Variants in AGPS observed in about 807,000 individuals in gnomAD.
AGPS encodes the protein alkyldihydroxyacetonephosphate synthase, peroxisomal.
AGPS carries 26 observed loss-of-function variants against 90.7 expected under a neutral mutation model. The observed-to-expected ratio is 0.29, with a 90% confidence interval of 0.21 to 0.40. The LOEUF is 0.40. AGPS is among the 10% of genes least tolerant of loss of function. The pLI, the probability that AGPS is intolerant of heterozygous loss-of-function variation, is 1.00. For synonymous variants in AGPS, 294 were observed against 285.3 expected, an observed-to-expected ratio of 1.03 and a Z score of -0.31; for missense variants, 540 against 816.1, an observed-to-expected ratio of 0.66 and a Z score of 4.12.
chr2:177,465,963 G>A (rs1687433814), intron 9 of AGPS, among the ~76,000 whole-genome samples: 1 of 152,220 alleles, frequency 6.6e-6, no homozygotes, highest in South Asian at 2.1e-4. Context: ...GGAAGAATGA[G>A]GTATGCGGAC....
chr2:177,411,729 A>C (rs1442580707), intron 1 of AGPS, among the ~76,000 whole-genome samples: 1 of 152,168 alleles, frequency 6.6e-6, no homozygotes, highest in Non-Finnish European at 1.5e-5. Flanking sequence ...ACCTAGGTCT[A>C]TTTTAATTTG....
intron 19 of AGPS, among the ~76,000 whole-genome samples, chr2:177,535,986 C>A (rs1396175879): frequency 6.6e-6 from 1 of 151,478 alleles, no homozygotes; most frequent in East Asian, 1.9e-4. Flanking sequence ...GAAAATTTGA[C>A]AAGATAGATG....
intron 10 of AGPS, among the ~76,000 whole-genome samples, chr2:177,469,571 A>G (rs951384533): frequency 6.6e-6 from 1 of 152,148 alleles, no homozygotes; most frequent in African/African-American, 2.4e-5. Context: ...ATACTCTTCT[A>G]TGAAAAAACA....
intron 1 of AGPS, among the ~76,000 whole-genome samples, chr2:177,412,385 GGCCCTT>G (rs1203345384): frequency 1.2e-4 from 19 of 152,074 alleles, no homozygotes; most frequent in African/African-American, 4.3e-4. Flanking sequence ...GCCTCTAGTT[GGCCCTT>G]GGCTTCCCCA....
In AGPS at chr2:177,491,772, C is replaced by CA. The variant is rs1491023611; in HGVS notation, c.1234-1376_1234-1375insA. On this transcript the variant is annotated intron_variant, in intron 11 of 19. Coordinates refer to ENST00000264167, the MANE Select transcript of AGPS (RefSeq NM_003659.4). Reference sequence around the variant, plus strand: ...AATATACTTTCCTTCCCCCCCCCCCCCTTTTTTTTCATTTTGTTTTGTTTT... The same window carrying CA: ...AATATACTTTCCTTCCCCCCCCCCCCACTTTTTTTTCATTTTGTTTTGTTTT... Among the ~76,000 whole-genome samples the CA allele has an allele frequency of 3.6e-5, 4 of 111,234 alleles. No individual in the cohort carries two copies. The East Asian group carries it at 1.0e-3, about 28-fold the overall frequency. The allele number at this position is 111,234 out of a possible 152,430, so 73.0% of individuals were successfully genotyped here.
At chr2:177,435,204 A>T (rs1283817071) in intron 3 of AGPS, among the ~76,000 whole-genome samples, 1 of 151,898 alleles carries the variant, frequency 6.6e-6, no homozygotes, top group Non-Finnish European at 1.5e-5. Flanking sequence ...TGTCTTATAC[A>T]ATATTCTCCA....
chr2:177,476,336 A>G (rs992485509), intron 10 of AGPS, among the ~76,000 whole-genome samples: 1 of 151,894 alleles, frequency 6.6e-6, no homozygotes, highest in Non-Finnish European at 1.5e-5. Context: ...GTATTGCTTT[A>G]CTTTATCTGA....
At chr2:177,393,503 GC>G (rs2105577131) in intron 1 of AGPS, 1 of 985,382 alleles carries the variant, frequency 1.0e-6, no homozygotes, top group East Asian at 1.1e-4. Flanking sequence ...AACTGGTGGT[GC>G]CCTGGAAAAA....
At chr2:177,462,285 C>T (rs977203681) in intron 9 of AGPS, among the ~76,000 whole-genome samples, 13 of 147,430 alleles carry the variant, frequency 8.8e-5, no homozygotes, top group Admixed American at 2.8e-4. Flanking sequence ...CCCAGCTACT[C>T]GGGAGGCTGA....
chr2:177,533,686 A>G (rs2079159079), intron 19 of AGPS, among the ~76,000 whole-genome samples: 1 of 152,322 alleles, frequency 6.6e-6, no homozygotes, highest in South Asian at 2.1e-4. Context: ...AGTTAGTTTC[A>G]TGTGATTAGC....
At chr2:177,445,675 C>T (rs1158364907) in intron 8 of AGPS, 49 bp downstream of exon 8, 5 of 1,281,460 alleles carry the variant, frequency 3.9e-6, no homozygotes, top group Non-Finnish European at 5.4e-6. Flanking sequence ...ATTCTAATAT[C>T]AATTCTGATG....
At chr2:177,409,338 A>T (rs1434166784) in intron 1 of AGPS, among the ~76,000 whole-genome samples, 2 of 151,582 alleles carry the variant, frequency 1.3e-5, no homozygotes, top group Non-Finnish European at 2.9e-5. Context: ...TGGGGTTTAT[A>T]TCCCAATCAT....
intron 16 of AGPS, among the ~76,000 whole-genome samples, chr2:177,511,051 A>G (rs966814324): frequency 6.6e-6 from 1 of 152,150 alleles, no homozygotes; most frequent in African/African-American, 2.4e-5. Context: ...ATTTGAGAGT[A>G]CAGTCTATAA....
chr2:177,492,473 A>G (rs979394786), intron 11 of AGPS, among the ~76,000 whole-genome samples: 1 of 152,198 alleles, frequency 6.6e-6, no homozygotes, highest in Non-Finnish European at 1.5e-5. Flanking sequence ...AGAAGTATCA[A>G]CCCAACTACA....
At chr2:177,435,145 A>G (rs1354842262) in intron 3 of AGPS, among the ~76,000 whole-genome samples, 1 of 151,704 alleles carries the variant, frequency 6.6e-6, no homozygotes, top group South Asian at 2.1e-4. Flanking sequence ...GTAGCATAGT[A>G]TTCTGTATGT....
intron 10 of AGPS, among the ~76,000 whole-genome samples, chr2:177,473,551 C>G (rs1687688874): frequency 6.6e-6 from 1 of 151,682 alleles, no homozygotes; most frequent in African/African-American, 2.4e-5. Flanking sequence ...AACAATTATA[C>G]AAAGTGAATA....
intron 11 of AGPS, among the ~76,000 whole-genome samples, chr2:177,488,893 A>G (rs1312047534): frequency 6.6e-6 from 1 of 152,124 alleles, no homozygotes; most frequent in Non-Finnish European, 1.5e-5. Context: ...TCCTTATGAC[A>G]TTACGTTAGC....
Position 177,405,825 on chromosome 2 carries a change from C to T in AGPS, c.260+12776C>T, listed in dbSNP as rs910609169. Among the ~76,000 whole-genome samples the T allele has an allele frequency of 9.2e-5, 9 of 98,354 alleles. No individual in the cohort carries two copies. The South Asian group carries it at 1.6e-3, about 18-fold the overall frequency. 64.5% of individuals were successfully genotyped at this position (98,354 alleles called of 152,430 possible). A position where few individuals can be genotyped will look rare whatever the true frequency, so the allele number is the denominator to read the frequency against. On this transcript the variant is annotated intron_variant, in intron 1 of 19. Transcript: ENST00000264167. The stretch of plus-strand genomic sequence containing the variant: ...ATTTCATCTACTTGAACTGTAATAG[C>T]TTTTACCACTGTTGGGGGAACTTTA...
At chr2:177,485,018 T>G (rs1408124749) in intron 11 of AGPS, among the ~76,000 whole-genome samples, 1 of 151,888 alleles carries the variant, frequency 6.6e-6, no homozygotes, top group Admixed American at 6.6e-5. Flanking sequence ...TCCTCCAGTT[T>G]AGGCCTCCCA....
Sources: allele counts gnomAD v4.1 joint callset (sites outside exome capture counted in the v4.1 genomes callset), GRCh38; gene constraint gnomAD v4.1.1; transcripts MANE v1.5; gene names NCBI Gene and HGNC (gene_info 2026-07-23, HGNC 2026-07-21).